The following DGKZ variants were observed in gnomAD, a reference collection of about 807,000 sequenced individuals.
DGKZ encodes the protein diacylglycerol kinase zeta.
DGKZ carries 45 observed loss-of-function variants against 142.5 expected under a neutral mutation model. The observed-to-expected ratio is 0.32, with a 90% CI of 0.25 to 0.40. The LOEUF is 0.40. DGKZ is among the 10% of genes least tolerant of loss of function. The pLI is 1.00. For synonymous variants in DGKZ, 442 were observed against 527.0 expected (o/e 0.84, Z 2.21); for missense variants, 755 against 1,306.5 (o/e 0.58, Z 6.51).
rs372305940 is a variant in DGKZ at position 46,375,527 on chromosome 11, C to T, written c.1806C>T (p.Gly602=). ...AGGCCATCCCGGTGCAGGTGGATGG[C>T]GAGCCCTGCAAGCTTGCAGCCTCAC... The change falls in exon 20 of 31, where the codon GGC becomes GGT. Residue 602 remains glycine (G), a synonymous_variant. Coordinates refer to ENST00000527911, the Ensembl canonical transcript of DGKZ. The T allele has an allele frequency of 6.5e-5, 104 of 1,589,642 alleles. 1 individual carries two copies. The highest frequency in any genetic ancestry group is 2.7e-4 in the East Asian group (12 of 44,096).
At position 46,372,082 on chromosome 11, in the gene DGKZ, G is replaced by A. The variant is rs1384847876; in HGVS notation, c.839G>A (p.Arg280His). Reference sequence around the variant, plus strand: ...TCTCACCTTGTCTCCCAGGAGGGCCGCTGGAGACCCTTCATCATCAGGCCC... The same window carrying A: ...TCTCACCTTGTCTCCCAGGAGGGCCACTGGAGACCCTTCATCATCAGGCCC... The change falls in exon 10 of 31, where the codon CGC (arginine) becomes CAC (histidine). Residue 280 changes from arginine (R) to histidine (H), a missense_variant. Around this residue, in one of 8 missense-constraint regions of DGKZ, gnomAD observed 142 missense variants for 244.4 expected, o/e 0.58. Coordinates refer to ENST00000527911, the Ensembl canonical transcript of DGKZ. This position sits in a 1 kb window ranked among gnomAD's most constrained non-coding sequence, Gnocchi z 5.9. 16 of 1,609,180 alleles carry A rather than the reference G, an allele frequency of 9.9e-6. No individual in the cohort carries two copies. The highest frequency in any genetic ancestry group is 2.2e-5 in the East Asian group (1 of 44,736).
intron 1 of DGKZ, among the ~76,000 whole-genome samples, chr11:46,358,769 C>T (rs1048883590): frequency 3.3e-5 from 5 of 152,128 alleles, no homozygotes; most frequent in African/African-American, 1.2e-4. Flanking sequence ...TATTCACTTC[C>T]TAGAGCCTGA....
At chr11:46,376,180 G>A (rs768520953) in intron 22 of DGKZ, 35 bp downstream of exon 22, 2 of 1,609,406 alleles carry the variant, frequency 1.2e-6, no homozygotes, top group African/African-American at 2.7e-5. Context: ...TGCCCACCGA[G>A]AGGGTGGTGG....
At chr11:46,378,630 A>G (rs1161783811) in intron 27 of DGKZ, 130 bp downstream of exon 27, 1 of 1,226,620 alleles carries the variant, frequency 8.2e-7, no homozygotes, top group Non-Finnish European at 1.2e-6. Context: ...CCTCTGTGGG[A>G]TCTCCAGTGA....
intron 1 of DGKZ, among the ~76,000 whole-genome samples, chr11:46,360,699 T>C (rs927974660): frequency 6.6e-6 from 1 of 151,706 alleles, no homozygotes; most frequent in African/African-American, 2.4e-5. Flanking sequence ...GCCAGGAGAA[T>C]CATCTGAACC....
chr11:46,364,491 A>C, intron 1 of DGKZ: 1 of 1,241,140 alleles, frequency 8.1e-7, no homozygotes, highest in Admixed American at 2.6e-5. Context: ...GTGGGGCACT[A>C]TTTGGGGTCA....
intron 25 of DGKZ, chr11:46,377,860 T>G: frequency 5.6e-6 from 2 of 358,268 alleles, no homozygotes; most frequent in South Asian, 5.7e-5. Context: ...CCTTCGAATC[T>G]CAGCTTGGCT....
At chr11:46,377,509 T>G in intron 25 of DGKZ, 1 of 445,882 alleles carries the variant, frequency 2.2e-6, no homozygotes, top group Non-Finnish European at 3.9e-6. Context: ...CCACCAGCCC[T>G]TCCCGGCTGC....
Position 46,369,480 on chromosome 11 carries a change from G to T in DGKZ, c.445-14G>T, listed in dbSNP as rs1241220686. 1 of 1,614,098 alleles carries T rather than the reference G, an allele frequency of 6.2e-7. No homozygotes were observed. The highest frequency in any genetic ancestry group is 8.5e-7 in the Non-Finnish European group (1 of 1,180,020). On this transcript the variant is annotated splice_polypyrimidine_tract_variant and intron_variant, in intron 4 of 30. Coordinates refer to ENST00000527911, the Ensembl canonical transcript of DGKZ. ...AGGTTCTGACATTTTGGTGGTCACT[G>T]CCATGTTTCACAGATAAATTTCCGC...
At chr11:46,369,676 T>G in intron 5 of DGKZ, 126 bp downstream of exon 5, 34 of 1,315,704 alleles carry the variant, frequency 2.6e-5, no homozygotes, top group Non-Finnish European at 3.6e-5. Context: ...GAGGTCTGTC[T>G]GAGGTCTGCC....
rs762452097 is a variant in DGKZ, at chr11:46,371,779, A to C, written c.831+4A>C. On this transcript the variant is annotated splice_donor_region_variant and intron_variant, in intron 9 of 30. Coordinates refer to ENST00000527911, the Ensembl canonical transcript of DGKZ. ...GTCCAGCAAGAAAGGGCCTGAGGTC[A>C]GCCCCAGGCTGGGCAGAGGCTGCAG... is the stretch of plus-strand genomic sequence containing the variant. 9.3e-6 allele frequency: 15 copies of C among 1,612,718 alleles called. No individual in the cohort carries two copies. Among genetic ancestry groups the C allele is most frequent in the South Asian group, 8.8e-5 (8 of 90,834 alleles).
intron 24 of DGKZ, 52 bp downstream of exon 24, chr11:46,376,616 C>T (rs752254025): frequency 9.9e-6 from 16 of 1,609,492 alleles, no homozygotes; most frequent in Admixed American, 8.3e-5. Flanking sequence ...GCCCCAGGGT[C>T]GCCTCTCCTG....
chr11:46,377,449 C>T (rs1590641999), intron 25 of DGKZ: 1 of 713,956 alleles, frequency 1.4e-6, no homozygotes, highest in Non-Finnish European at 2.1e-6. Context: ...TTCAGCCAGT[C>T]CTGGCAGCCC....
In DGKZ at chr11:46,372,892, C is replaced by T. The variant is rs1018685253; in HGVS notation, c.1185+8C>T. 1 of 1,572,556 alleles carries T rather than the reference C, an allele frequency of 6.4e-7. No homozygotes were observed. The highest frequency in any genetic ancestry group is 1.4e-5 in the African/African-American group (1 of 73,796). ...ACCCTCAACTGGGGTGGGGTAAGCA[C>T]CCATAGGAGGGGGGTGCAGCTGGGG... On this transcript the variant is annotated splice_region_variant and intron_variant, in intron 13 of 30. Transcript: ENST00000527911. The surrounding 1 kb of genome is among the most constrained non-coding windows in gnomAD (Gnocchi z 5.9).
exon 1 of DGKZ, chr11:46,333,231 G>A: frequency 8.1e-7 from 1 of 1,239,986 alleles, no homozygotes; most frequent in Non-Finnish European, 1.0e-6. Flanking sequence ...ACTTGAGCGG[G>A]TGCCCGAAAG....
chr11:46,373,140 C>T, intron 14 of DGKZ, 39 bp downstream of exon 14: 2 of 1,511,376 alleles, frequency 1.3e-6, no homozygotes, highest in Non-Finnish European at 1.8e-6. Flanking sequence ...GGGCAGGTGA[C>T]TGGGGACTGG....
In DGKZ at chr11:46,376,311, T is replaced by A. The variant is rs757672184; in HGVS notation, c.2092-17T>A. On this transcript the variant is annotated splice_polypyrimidine_tract_variant and intron_variant, in intron 22 of 30. Transcript: ENST00000527911. The stretch of plus-strand genomic sequence containing the variant: ...GCCCCCACTCTATCCCAGCCTGGCC[T>A]TTGCTTCTCTCAACAGGAGCCCGAT... 2 of 1,613,878 alleles carry A rather than the reference T, an allele frequency of 1.2e-6. No homozygotes were observed. Among genetic ancestry groups the A allele is most frequent in the South Asian group, 2.2e-5 (2 of 91,070 alleles).
upstream of DGKZ, among the ~76,000 whole-genome samples, chr11:46,344,811 T>C (rs60721773): frequency 5.9e-3 from 903 of 152,142 alleles, 9 homozygotes; most frequent in African/African-American, 0.021. Context: ...CTGGCACATG[T>C]ATTCATTAGT....
chr11:46,348,966 C>A (rs1016680101), intron 1 of DGKZ, among the ~76,000 whole-genome samples: 3 of 152,172 alleles, frequency 2.0e-5, no homozygotes, highest in African/African-American at 4.8e-5. Flanking sequence ...TTCACCCCCA[C>A]CCCGCCCCTT....
Sources: gnomAD v4.1 joint callset for allele counts (sites outside exome capture counted in the v4.1 genomes callset) on GRCh38, gnomAD v4.1.1 for gene constraint, gnomAD v4.1.1 regional missense constraint, Gnocchi (gnomAD v3.1) non-coding constraint, MANE v1.5 for transcripts, NCBI Gene and HGNC (gene_info 2026-07-23, HGNC 2026-07-21) for gene names.